The following CIT variants were observed in gnomAD, a reference collection of about 807,000 sequenced individuals.
The protein encoded by CIT is citron rho-interacting serine/threonine kinase.
Under a neutral mutation model 272.7 loss-of-function variants are expected in CIT, and 79 were observed. The ratio of observed to expected loss-of-function variants is 0.29; its 90% CI spans 0.24 to 0.35. CIT has a LOEUF of 0.35. Ranked by LOEUF, CIT falls within the 10% of genes least tolerant of loss-of-function variation. The pLI, the probability that CIT is intolerant of heterozygous loss-of-function variation, is 1.00. For missense variants in CIT, 1,909 were observed against 2,618.3 expected (o/e 0.73, Z 5.91); for synonymous variants, 948 against 995.6 (o/e 0.95, Z 0.90).
chr12:119,761,168 C>G (rs1282967012), intron 19 of CIT, 113 bp from the exon 20 acceptor site: 1 of 814,848 alleles, frequency 1.2e-6, no homozygotes, highest in East Asian at 2.4e-5. Context: ...GGGAGAGGCC[C>G]GAGGTCTCCA....
intron 4 of CIT, among the ~76,000 whole-genome samples, chr12:119,856,162 T>A (rs1179890491): frequency 6.6e-6 from 1 of 152,152 alleles, no homozygotes; most frequent in Non-Finnish European, 1.5e-5. Flanking sequence ...ACAAAGTCAT[T>A]GAAGTCCACA....
chr12:119,707,023 C>A (rs1430659802), intron 40 of CIT, among the ~76,000 whole-genome samples: 3 of 151,314 alleles, frequency 2.0e-5, no homozygotes, highest in African/African-American at 7.4e-5. Context: ...CCAGAAGCTA[C>A]AAATGAATTA....
At position 119,758,647 on chromosome 12, in the gene CIT, T is replaced by C; in HGVS notation, c.2475A>G (p.Glu825=). 6.2e-7 allele frequency: 1 copy of C among 1,614,022 alleles called. No homozygotes were observed. Among genetic ancestry groups the C allele is most frequent in the Non-Finnish European group, 8.5e-7 (1 of 1,179,862 alleles). ...KIRSLEQRIV[E]LSEANKLAAN... is the part of the protein sequence containing the mutation. ...CTGCAAGTTTATTGGCTTCAGACAG[T>C]TCCACAATCCTCTGTTCCAGGGATC... is the stretch of plus-strand genomic sequence containing the variant. The change falls in exon 21 of 48, where the codon GAA becomes GAG. Residue 825 remains glutamate (E), a synonymous_variant. Transcript: ENST00000392521.
chr12:119,729,459 G>C (rs1958310121), intron 27 of CIT, among the ~76,000 whole-genome samples: 1 of 152,130 alleles, frequency 6.6e-6, no homozygotes, highest in African/African-American at 2.4e-5. Flanking sequence ...AATGATTCAA[G>C]TAGGTACTTC....
At chr12:119,806,330 C>G (rs1428976767) in intron 9 of CIT, among the ~76,000 whole-genome samples, 1 of 152,010 alleles carries the variant, frequency 6.6e-6, no homozygotes, top group African/African-American at 2.4e-5. Flanking sequence ...GAAAAAGCCA[C>G]AGCCTTAAGC....
chr12:119,699,355 C>T (rs78937759), intron 44 of CIT, among the ~76,000 whole-genome samples: 6,462 of 151,826 alleles, frequency 0.043, 449 homozygotes, highest in African/African-American at 0.15. Flanking sequence ...TCTATCTCTG[C>T]ATGACAGTGT....
At chr12:119,780,543 G>C (rs1964193609) in intron 13 of CIT, among the ~76,000 whole-genome samples, 1 of 152,170 alleles carries the variant, frequency 6.6e-6, no homozygotes, top group African/African-American at 2.4e-5. Flanking sequence ...CTTGAACCCA[G>C]GAGGTGGAGG....
chr12:119,874,286 G>A (rs1792153451), intron 2 of CIT, among the ~76,000 whole-genome samples: 1 of 152,052 alleles, frequency 6.6e-6, no homozygotes, highest in East Asian at 1.9e-4. Flanking sequence ...TGTCCAGGCT[G>A]GTCTCGAACC....
In CIT at chr12:119,690,814, G is replaced by A. The variant is rs1955899514; in HGVS notation, c.5883-360C>T. Among the ~76,000 whole-genome samples, 1 of 152,208 alleles carries A rather than the reference G, an allele frequency of 6.6e-6. No homozygotes were observed. The highest frequency in any genetic ancestry group is 1.5e-5 in the Non-Finnish European group (1 of 68,040). On this transcript the variant is annotated intron_variant, in intron 46 of 47. Coordinates refer to ENST00000392521, the MANE Select transcript of CIT (RefSeq NM_001206999.2). The surrounding 1 kb of genome is among the most constrained non-coding windows in gnomAD (Gnocchi z 6.0). ...ACCCTCACTGTACAGGCAAGAAAAT[G>A]GGGACAGACAGGAGTTAGGTGACTT...
intron 5 of CIT, among the ~76,000 whole-genome samples, chr12:119,846,303 T>C (rs1455986746): frequency 6.6e-6 from 1 of 152,144 alleles, no homozygotes; most frequent in Non-Finnish European, 1.5e-5. Context: ...ACTCAAAATC[T>C]GTCAGTGCCT....
At chr12:119,704,295 C>T (rs1956754792) in intron 41 of CIT, 68 bp downstream of exon 41, 4 of 1,469,100 alleles carry the variant, frequency 2.7e-6, no homozygotes, top group South Asian at 2.3e-5. Flanking sequence ...GTGCACTTTC[C>T]ACACTGGCTC....
chr12:119,780,312 A>C (rs1342583708), intron 13 of CIT, among the ~76,000 whole-genome samples: 1 of 152,140 alleles, frequency 6.6e-6, no homozygotes, highest in Non-Finnish European at 1.5e-5. Context: ...TGGAAGTAAA[A>C]TATTTTTTAA....
intron 12 of CIT, 45 bp from the exon 13 acceptor site, chr12:119,782,682 C>A: frequency 6.2e-7 from 1 of 1,608,012 alleles, no homozygotes; most frequent in Non-Finnish European, 8.5e-7. Flanking sequence ...GTGGATCCTG[C>A]TTTGTTTGAA....
In CIT at chr12:119,686,873, G is replaced by T. The variant is rs1955608384; in HGVS notation, c.*1359C>A. 6.5e-6 allele frequency: 1 copy of T among 152,752 alleles called. No individual in the cohort carries two copies. Among genetic ancestry groups the T allele is most frequent in the African/African-American group, 2.4e-5 (1 of 41,460 alleles). 9.5% of individuals were successfully genotyped at this position (152,752 alleles called of 1,614,324 possible). On this transcript the variant is annotated 3_prime_UTR_variant, in exon 48 of 48. Transcript: ENST00000392521. ...CTTCCCAACCCTGGCGGAGCTGGAAGAGTTGAGCTGCGGCTGCTTTCTCAA... is the reference window on the plus strand; with the variant it reads ...CTTCCCAACCCTGGCGGAGCTGGAATAGTTGAGCTGCGGCTGCTTTCTCAA...
chr12:119,731,841 C>CATATATATATACT (rs1958472871), intron 26 of CIT, among the ~76,000 whole-genome samples: 2 of 98,596 alleles, frequency 2.0e-5, no homozygotes, highest in African/African-American at 8.4e-5. Flanking sequence ...TATATATATA[C>CATATATATATACT]TTTTTTTTTT....
At chr12:119,689,808 G>C (rs981015968) in intron 47 of CIT, among the ~76,000 whole-genome samples, 2 of 150,876 alleles carry the variant, frequency 1.3e-5, no homozygotes, top group Non-Finnish European at 2.9e-5. Flanking sequence ...CTCCCAAGTA[G>C]CTGGGACTAC....
intron 13 of CIT, among the ~76,000 whole-genome samples, chr12:119,780,182 G>A (rs1002621252): frequency 1.3e-5 from 2 of 152,228 alleles, no homozygotes; most frequent in African/African-American, 2.4e-5. Context: ...CCTTTCCTGA[G>A]TAGGGGAGCA....
Position 119,734,331 on chromosome 12 carries a change from G to T in CIT, c.3183C>A (p.Cys1061Ter). 6.2e-7 allele frequency: 1 copy of T among 1,613,610 alleles called. No individual in the cohort carries two copies. ...CCATGACCTGTTCCTCCAGCATGGT[G>T]CACGTGGTCTTCAGAGCCTCCATCG... ...KQTMEALKTT[C>*]TMLEEQVMDL... Residue 1061 changes from cysteine (C) to a stop codon, truncating the protein, a stop_gained, in exon 26 of 48, where the codon TGC becomes TGA. Coordinates refer to ENST00000392521, the MANE Select transcript of CIT (RefSeq NM_001206999.2). LOFTEE classifies it high-confidence loss of function.
intron 39 of CIT, among the ~76,000 whole-genome samples, chr12:119,709,291 G>A (rs998868796): frequency 6.6e-6 from 1 of 151,946 alleles, no homozygotes; most frequent in Non-Finnish European, 1.5e-5. Flanking sequence ...GACTTGGGGT[G>A]ACAATGATGT....
Sources: gnomAD v4.1 joint callset for allele counts (sites outside exome capture counted in the v4.1 genomes callset) on GRCh38, gnomAD v4.1.1 for gene constraint, Gnocchi (gnomAD v3.1) non-coding constraint, MANE v1.5 for transcripts, NCBI Gene and HGNC (gene_info 2026-07-23, HGNC 2026-07-21) for gene names.